WWTR1: variants seen among roughly 807,000 people sequenced by gnomAD.
WWTR1 encodes the protein WW domain containing transcription regulator 1.
Under a neutral mutation model 40.1 loss-of-function variants are expected in WWTR1, and 13 were observed. The ratio of observed to expected loss-of-function variants is 0.32; its 90% confidence interval spans 0.21 to 0.52. WWTR1 has a LOEUF of 0.52. WWTR1 is among the 20% of genes least tolerant of loss of function. WWTR1 has a pLI of 0.97. For missense variants in WWTR1, 436 were observed against 523.1 expected, an observed-to-expected ratio of 0.83 and a Z score of 1.63; for synonymous variants, 230 against 210.1, an observed-to-expected ratio of 1.09 and a Z score of -0.82.
chr3:149,693,769 G>A (rs1714895039), intron 1 of WWTR1, among the ~76,000 whole-genome samples: 1 of 152,096 alleles, frequency 6.6e-6, no homozygotes, highest in South Asian at 2.1e-4. Flanking sequence ...AACAAATAAT[G>A]ATGGGAAAAC....
intron 2 of WWTR1, among the ~76,000 whole-genome samples, chr3:149,598,816 T>A (rs981926964): frequency 6.6e-6 from 1 of 152,230 alleles, no homozygotes; most frequent in South Asian, 2.1e-4. Context: ...CTTTTCTCAA[T>A]GTTTTGAGTT....
chr3:149,596,567 C>T (rs1739012230), intron 2 of WWTR1, among the ~76,000 whole-genome samples: 1 of 152,130 alleles, frequency 6.6e-6, no homozygotes, highest in South Asian at 2.1e-4. Context: ...AGCCGTAGTG[C>T]AGTGGATCTT....
intron 2 of WWTR1, among the ~76,000 whole-genome samples, chr3:149,607,174 ATCT>A (rs1361459365): frequency 6.6e-6 from 1 of 152,218 alleles, no homozygotes; most frequent in Non-Finnish European, 1.5e-5. Flanking sequence ...TGAAATATTC[ATCT>A]TTTTTAGTAT....
chr3:149,534,684 C>A (rs1735742028), intron 4 of WWTR1, among the ~76,000 whole-genome samples: 1 of 152,130 alleles, frequency 6.6e-6, no homozygotes, highest in Admixed American at 6.5e-5. Context: ...CTGACCCAAC[C>A]CTCCTCCAAC....
intron 2 of WWTR1, among the ~76,000 whole-genome samples, chr3:149,628,824 A>G (rs1711498449): frequency 2.0e-5 from 3 of 150,990 alleles, no homozygotes; most frequent in Admixed American, 2.0e-4. Flanking sequence ...GGCTAGATAG[A>G]GTACAGTGGC....
upstream of WWTR1, among the ~76,000 whole-genome samples, chr3:149,706,724 A>C (rs76058734): frequency 4.1e-3 from 629 of 152,322 alleles, 5 homozygotes; most frequent in African/African-American, 0.015. Flanking sequence ...AGATCATCTT[A>C]ATATTATTAT....
At chr3:149,541,188 A>G (rs1258769470) in intron 4 of WWTR1, 1 of 329,048 alleles carries the variant, frequency 3.0e-6, no homozygotes, top group South Asian at 2.6e-5. Flanking sequence ...CTCCCCAAAA[A>G]TGTAGCCAGA....
At chr3:149,669,144 T>G (rs190527268) in intron 2 of WWTR1, among the ~76,000 whole-genome samples, 1 of 152,256 alleles carries the variant, frequency 6.6e-6, no homozygotes, top group East Asian at 1.9e-4. Flanking sequence ...GAACAAGAAA[T>G]AAGAACCCCA....
upstream of WWTR1, among the ~76,000 whole-genome samples, chr3:149,703,660 C>T (rs936965601): frequency 6.6e-6 from 1 of 152,048 alleles, no homozygotes; most frequent in Admixed American, 6.5e-5. Context: ...GAGGTGTTTG[C>T]GTCATGGGGG....
chr3:149,675,867 A>G (rs929346745), intron 1 of WWTR1, among the ~76,000 whole-genome samples: 1 of 152,032 alleles, frequency 6.6e-6, no homozygotes. Context: ...ACAGGCGTCC[A>G]CCACCATGCC....
intron 2 of WWTR1, among the ~76,000 whole-genome samples, chr3:149,614,930 C>T (rs1739895871): frequency 1.3e-5 from 2 of 151,854 alleles, no homozygotes; most frequent in Admixed American, 1.3e-4. Context: ...TTACAGTGAG[C>T]TGAGATGGCG....
intron 2 of WWTR1, among the ~76,000 whole-genome samples, chr3:149,592,606 T>C (rs1265029097): frequency 6.6e-6 from 1 of 152,246 alleles, no homozygotes; most frequent in Non-Finnish European, 1.5e-5. Context: ...GGCATATATG[T>C]ATGTGTATAA....
chr3:149,559,814 T>C (rs1006307049), intron 3 of WWTR1, among the ~76,000 whole-genome samples: 2 of 152,196 alleles, frequency 1.3e-5, no homozygotes, highest in Admixed American at 6.5e-5. Flanking sequence ...TGATACCTCA[T>C]ACTCATAGTT....
At chr3:149,659,205 T>A (rs1241939609), upstream of WWTR1, among the ~76,000 whole-genome samples, 1 of 152,122 alleles carries the variant, frequency 6.6e-6, no homozygotes, top group Non-Finnish European at 1.5e-5. Flanking sequence ...TTGATTCAAA[T>A]AGGAGTTTAT....
chr3:149,661,709 C>A (rs577900488), upstream of WWTR1, among the ~76,000 whole-genome samples: 122 of 151,774 alleles, frequency 8.0e-4, no homozygotes, highest in Non-Finnish European at 1.5e-3. Flanking sequence ...TAGGCTTGAG[C>A]CACCATGCCC....
chr3:149,576,324 C>T, intron 2 of WWTR1: 1 of 324,246 alleles, frequency 3.1e-6, no homozygotes, highest in South Asian at 2.7e-5. Context: ...GGCTCCAGCT[C>T]CCCCTACTTC....
At chr3:149,545,615 G>A (rs1031708316) in intron 3 of WWTR1, among the ~76,000 whole-genome samples, 11 of 152,106 alleles carry the variant, frequency 7.2e-5, no homozygotes, top group Non-Finnish European at 1.3e-4. Context: ...TCTGCCTCCC[G>A]GTTTCAAGAG....
At chr3:149,646,525 C>T (rs2108138722) in intron 2 of WWTR1, among the ~76,000 whole-genome samples, 1 of 152,374 alleles carries the variant, frequency 6.6e-6, no homozygotes, top group Admixed American at 6.5e-5. Flanking sequence ...TGGCATCAGT[C>T]CATGGACCAT....
intron 5 of WWTR1, 83 bp downstream of exon 5, chr3:149,527,752 TC>T: frequency 6.3e-7 from 1 of 1,591,568 alleles, no homozygotes; most frequent in South Asian, 1.1e-5. Flanking sequence ...CCCCACCTCT[TC>T]CCAATGTAAA....
Sources: allele counts gnomAD v4.1 joint callset (sites outside exome capture counted in the v4.1 genomes callset), GRCh38; gene constraint gnomAD v4.1.1; transcripts MANE v1.5; gene names NCBI Gene and HGNC (gene_info 2026-07-23, HGNC 2026-07-21).